Variants in INPP4B observed in about 807,000 individuals in gnomAD.
INPP4B encodes the protein inositol polyphosphate-4-phosphatase type II B.
Under a neutral mutation model 122.5 loss-of-function variants are expected in INPP4B, and 55 were observed. That is an observed-to-expected ratio of 0.45 (90% CI 0.36 to 0.56). The LOEUF is 0.56. INPP4B is among the 20% of genes least tolerant of loss of function. The probability of loss-of-function intolerance (pLI) is 0.00; values close to 1 mark genes in which losing one functional copy is unlikely to be tolerated. For missense variants in INPP4B, 1,000 were observed against 1,097.7 expected (o/e 0.91, Z 1.26); for synonymous variants, 403 against 388.7 (o/e 1.04, Z -0.43).
chr4:142,762,076 G>T (rs1771422193), intron 1 of INPP4B, among the ~76,000 whole-genome samples: 1 of 152,060 alleles, frequency 6.6e-6, no homozygotes, highest in Non-Finnish European at 1.5e-5. Context: ...CTCAGGCAGA[G>T]AGTTGTCTGT....
At position 142,086,271 on chromosome 4, in the gene INPP4B, A is replaced by T. The variant is rs1428388530; in HGVS notation, c.2375-15T>A. ...ATGTGAAATATCTGAAGGGGAAAAA[A>T]CAAAGGAGAAAAATAAAATGAGACA... On this transcript the variant is annotated splice_polypyrimidine_tract_variant and intron_variant, in intron 23 of 25. Coordinates refer to ENST00000262992, the MANE Select transcript of INPP4B (RefSeq NM_001101669.3). 2 of 1,310,770 alleles carry T rather than the reference A, an allele frequency of 1.5e-6. No individual in the cohort carries two copies. Among genetic ancestry groups the T allele is most frequent in the Non-Finnish European group, 1.1e-6 (1 of 906,204 alleles). The allele number at this position is 1,310,770 out of a possible 1,614,324, so 81.2% of individuals were successfully genotyped here. A position where few individuals can be genotyped will look rare whatever the true frequency, so the allele number is the denominator to read the frequency against.
At chr4:142,190,507 A>G (rs1835306203) in intron 15 of INPP4B, among the ~76,000 whole-genome samples, 1 of 152,108 alleles carries the variant, frequency 6.6e-6, no homozygotes, top group Admixed American at 6.6e-5. Flanking sequence ...TCACCAGTAT[A>G]TTGCCTCAGC....
In INPP4B at chr4:142,112,486, T is replaced by C. The variant is rs2152704990; in HGVS notation, c.2276+56A>G. ...TGCAGATACATGGGACTTCTCATCA[T>C]ATGCTTAAAAGGAACAAAGAAAAAT... On this transcript the variant is annotated intron_variant, in intron 22 of 25. Transcript: ENST00000262992. 5.0e-6 allele frequency: 8 copies of C among 1,586,738 alleles called. No individual in the cohort carries two copies. In the East Asian group the frequency reaches 6.8e-5, roughly 13 times the overall value.
intron 25 of INPP4B, among the ~76,000 whole-genome samples, chr4:142,037,465 G>T (rs1744689855): frequency 6.6e-6 from 1 of 152,198 alleles, no homozygotes; most frequent in African/African-American, 2.4e-5. Context: ...TTCATTAATA[G>T]GTTTGCTATT....
chr4:142,128,939 T>G (rs1799963798), intron 18 of INPP4B, among the ~76,000 whole-genome samples: 1 of 152,226 alleles, frequency 6.6e-6, no homozygotes, highest in African/African-American at 2.4e-5. Context: ...AGCCATTCTC[T>G]TCTCAGGTGC....
chr4:142,545,362 T>C (rs558981463), intron 2 of INPP4B, among the ~76,000 whole-genome samples: 1 of 152,110 alleles, frequency 6.6e-6, no homozygotes, highest in Non-Finnish European at 1.5e-5. Context: ...GGTAATGCTA[T>C]CATACCCATT....
At chr4:142,546,246 C>T (rs549108481) in intron 2 of INPP4B, among the ~76,000 whole-genome samples, 2 of 152,152 alleles carry the variant, frequency 1.3e-5, no homozygotes, top group South Asian at 4.1e-4. Flanking sequence ...CTCTATCTAT[C>T]TCCCTGCAAA....
At chr4:142,134,797 CAAAAAAAAA>C (rs58297348) in intron 18 of INPP4B, among the ~76,000 whole-genome samples, 1 of 51,298 alleles carries the variant, frequency 1.9e-5, no homozygotes, top group Non-Finnish European at 4.4e-5. Context: ...AACTCTGTCT[CAAAAAAAAA>C]AAAAAAAAAA....
intron 2 of INPP4B, among the ~76,000 whole-genome samples, chr4:142,487,645 T>A (rs1170137169): frequency 6.6e-6 from 1 of 152,182 alleles, no homozygotes; most frequent in African/African-American, 2.4e-5. Context: ...ACTGTAGAAA[T>A]CTTGCACATG....
chr4:142,031,554 C>G (rs1008476546), intron 25 of INPP4B, among the ~76,000 whole-genome samples: 1 of 152,136 alleles, frequency 6.6e-6, no homozygotes, highest in Non-Finnish European at 1.5e-5. Context: ...CAATCAGTGA[C>G]AAAGTAAAAG....
intron 25 of INPP4B, among the ~76,000 whole-genome samples, chr4:142,078,250 G>A (rs1034492828): frequency 3.3e-5 from 5 of 151,924 alleles, no homozygotes; most frequent in African/African-American, 9.7e-5. Context: ...GAGCTGAAAT[G>A]GTTTCTATTG....
At chr4:142,400,188 G>A (rs766081803) in intron 7 of INPP4B, among the ~76,000 whole-genome samples, 2 of 152,070 alleles carry the variant, frequency 1.3e-5, no homozygotes, top group African/African-American at 4.8e-5. Flanking sequence ...TATTTCACCG[G>A]TTATCTCCAA....
intron 3 of INPP4B, among the ~76,000 whole-genome samples, chr4:142,454,929 A>G (rs1229976627): frequency 2.6e-5 from 4 of 152,062 alleles, no homozygotes; most frequent in South Asian, 2.1e-4. Flanking sequence ...AAACAGGAAA[A>G]TTGTTGAAAG....
intron 11 of INPP4B, among the ~76,000 whole-genome samples, chr4:142,241,658 A>G (rs74492973): frequency 1.3e-5 from 2 of 152,306 alleles, no homozygotes; most frequent in East Asian, 3.9e-4. Flanking sequence ...GATAGAAAAG[A>G]CTGTTGCTCA....
chr4:142,789,691 C>T (rs933250278), intron 1 of INPP4B, among the ~76,000 whole-genome samples: 1 of 151,954 alleles, frequency 6.6e-6, no homozygotes, highest in Non-Finnish European at 1.5e-5. Flanking sequence ...CAATGCAATT[C>T]CCATCAAAAT....
chr4:142,083,079 G>A (rs1774896193), intron 24 of INPP4B, among the ~76,000 whole-genome samples: 1 of 149,794 alleles, frequency 6.7e-6, no homozygotes, highest in Admixed American at 6.7e-5. Flanking sequence ...TGCAGCCTGG[G>A]CAACAGAGTG....
In INPP4B at chr4:142,379,600, C is replaced by T. The variant is rs568290659; in HGVS notation, c.372+23338G>A. Among the ~76,000 whole-genome samples the T allele has an allele frequency of 4.6e-5, 7 of 152,286 alleles. No individual in the cohort carries two copies. In the South Asian group the frequency reaches 1.2e-3, roughly 27 times the overall value. On this transcript the variant is annotated intron_variant, in intron 7 of 25. Transcript: ENST00000262992. Reference sequence around the variant, plus strand: ...AAGGAAAGCCTGTGTTTCTTTAAAACGTCCTTTTGTTCCTGCTGTGCAGCC... The same window carrying T: ...AAGGAAAGCCTGTGTTTCTTTAAAATGTCCTTTTGTTCCTGCTGTGCAGCC...
At chr4:142,474,442 C>T (rs903459555) in intron 2 of INPP4B, 1 of 151,608 alleles carries the variant, frequency 6.6e-6, no homozygotes, top group Non-Finnish European at 1.5e-5. Flanking sequence ...TCCTGTTGTC[C>T]TGAGAAAATC....
intron 6 of INPP4B, among the ~76,000 whole-genome samples, chr4:142,403,732 C>G (rs1802406269): frequency 1.3e-5 from 2 of 152,250 alleles, no homozygotes. Context: ...GAGATGTTTG[C>G]TAGAGTTCTA....
Sources: allele counts gnomAD v4.1 joint callset (sites outside exome capture counted in the v4.1 genomes callset), GRCh38; gene constraint gnomAD v4.1.1; transcripts MANE v1.5; gene names NCBI Gene and HGNC (gene_info 2026-07-23, HGNC 2026-07-21).